The following MYO9A variants were observed in gnomAD, a reference collection of about 807,000 sequenced individuals.
The protein encoded by MYO9A is unconventional myosin-IXa.
MYO9A carries 103 observed loss-of-function variants against 293.3 expected under a neutral mutation model. The ratio of observed to expected loss-of-function variants is 0.35; its 90% CI spans 0.30 to 0.41. The LOEUF is 0.41. Ranked by LOEUF, MYO9A falls within the 10% of genes least tolerant of loss-of-function variation. MYO9A has a pLI of 1.00. For synonymous variants in MYO9A, 1,001 were observed against 1,035.7 expected, an observed-to-expected ratio of 0.97 and a Z score of 0.64; for missense variants, 2,685 against 3,033.0, an observed-to-expected ratio of 0.89 and a Z score of 2.69.
chr15:71,832,414 T>C (rs2054766338), intron 39 of MYO9A, among the ~76,000 whole-genome samples: 1 of 151,940 alleles, frequency 6.6e-6, no homozygotes, highest in South Asian at 2.1e-4. Flanking sequence ...CAAACTACTG[T>C]TAAAAACTAA....
intron 4 of MYO9A, among the ~76,000 whole-genome samples, chr15:72,027,197 C>A (rs2077700680): frequency 6.6e-6 from 1 of 152,088 alleles, no homozygotes; most frequent in African/African-American, 2.4e-5. Context: ...GAATAAATAA[C>A]CAAGAAGCAG....
At chr15:71,946,901 G>C (rs564163295) in intron 15 of MYO9A, among the ~76,000 whole-genome samples, 1 of 152,304 alleles carries the variant, frequency 6.6e-6, no homozygotes, top group African/African-American at 2.4e-5. Flanking sequence ...ATTGCTTGAA[G>C]CCAGGAGTTT....
intron 1 of MYO9A, among the ~76,000 whole-genome samples, chr15:72,067,272 G>A (rs2079049825): frequency 6.6e-6 from 1 of 151,200 alleles, no homozygotes; most frequent in Non-Finnish European, 1.5e-5. Context: ...ATTAGCATCT[G>A]GTTTAAATAT....
At chr15:72,008,381 T>G (rs955545027) in intron 7 of MYO9A, among the ~76,000 whole-genome samples, 3 of 151,968 alleles carry the variant, frequency 2.0e-5, no homozygotes, top group Admixed American at 2.0e-4. Context: ...TTTTTATTAT[T>G]AGTTATGTTG....
intron 11 of MYO9A, among the ~76,000 whole-genome samples, 199 bp from the exon 12 acceptor site, chr15:71,978,491 A>C (rs1404712608): frequency 6.6e-6 from 1 of 152,134 alleles, no homozygotes; most frequent in Non-Finnish European, 1.5e-5. Flanking sequence ...ACATGCCACA[A>C]ATTTTTTTTG....
intron 12 of MYO9A, among the ~76,000 whole-genome samples, chr15:71,969,486 G>C (rs2147326925): frequency 6.6e-6 from 1 of 152,246 alleles, no homozygotes; most frequent in East Asian, 1.9e-4. Context: ...GAAATGTATA[G>C]ATCACCAAGG....
intron 18 of MYO9A, among the ~76,000 whole-genome samples, chr15:71,928,417 G>A (rs1342572963): frequency 6.6e-6 from 1 of 151,490 alleles, no homozygotes; most frequent in Non-Finnish European, 1.5e-5. Context: ...GATTGCTTTG[G>A]CTATTTGGGG....
At chr15:72,049,281 A>G (rs1566984130) in intron 1 of MYO9A, among the ~76,000 whole-genome samples, 1 of 152,196 alleles carries the variant, frequency 6.6e-6, no homozygotes, top group Non-Finnish European at 1.5e-5. Flanking sequence ...AAATTTCCTC[A>G]GTTATCTCAT....
At position 72,058,285 on chromosome 15, in the gene MYO9A, T is replaced by A. The variant is rs993281180; in HGVS notation, c.-71-11651A>T. On this transcript the variant is annotated intron_variant, in intron 1 of 41. Coordinates refer to ENST00000356056, the MANE Select transcript of MYO9A (RefSeq NM_006901.4). The stretch of plus-strand genomic sequence containing the variant: ...AAAATTGCACATAAAGGTATACATA[T>A]ATTTTAAAATGGGTTAAAACACTGG... 6.6e-5 allele frequency among the ~76,000 whole-genome samples: 10 copies of A among 152,314 alleles called. 1 individual carries two copies. The South Asian group carries it at 1.7e-3, about 25-fold the overall frequency.
chr15:72,067,546 G>A (rs1286523716), intron 1 of MYO9A, among the ~76,000 whole-genome samples: 1 of 152,114 alleles, frequency 6.6e-6, no homozygotes, highest in Non-Finnish European at 1.5e-5. Flanking sequence ...CTCCCAAAAC[G>A]CTAGGATTAC....
Position 71,826,736 on chromosome 15 carries a change from C to G in MYO9A, c.7491G>C (p.Lys2497Asn). The stretch of plus-strand genomic sequence containing the variant: ...TCACATTCTTTAATTTTTGTTTGCC[C>G]TTTTCCGGGTTGAAGGTTCCTCTGC... ...FISRGTFNPEKGKQKLKNVKN... is the reference protein window; with the variant it reads ...FISRGTFNPENGKQKLKNVKN... The change falls in exon 42 of 42, where the codon AAG becomes AAC. Residue 2497 changes from lysine to asparagine, a missense_variant. Lys to Asn is a moderately conservative substitution (Grantham distance 94, BLOSUM62 0). Around this residue, in one of 10 missense-constraint regions of MYO9A, gnomAD observed 350 missense variants for 328.9 expected, o/e 1.06. Transcript: ENST00000356056. 3.1e-6 allele frequency: 5 copies of G among 1,614,096 alleles called. No individual in the cohort carries two copies. The highest frequency in any genetic ancestry group is 4.2e-6 in the Non-Finnish European group (5 of 1,179,990).
At chr15:71,924,758 T>TTA (rs1338643123) in intron 18 of MYO9A, among the ~76,000 whole-genome samples, 1 of 151,878 alleles carries the variant, frequency 6.6e-6, no homozygotes, top group Non-Finnish European at 1.5e-5. Context: ...CCATCTCTAC[T>TTA]AACTACAAAA....
At chr15:71,879,648 A>G in intron 30 of MYO9A, 73 bp downstream of exon 30, 1 of 1,083,672 alleles carries the variant, frequency 9.2e-7, no homozygotes, top group Non-Finnish European at 1.4e-6. Flanking sequence ...TGGCTTTTGT[A>G]TTATCTTCTA....
chr15:72,041,321 C>T (rs144764610), intron 2 of MYO9A: 1 of 687,474 alleles, frequency 1.5e-6, no homozygotes, highest in Admixed American at 1.9e-5. Flanking sequence ...GTTTAAGATC[C>T]TCAGGAACTT....
In MYO9A at chr15:71,826,248, C is replaced by T. The variant is rs1370346111; in HGVS notation, c.*332G>A. On this transcript the variant is annotated 3_prime_UTR_variant, in exon 42 of 42. Coordinates refer to ENST00000356056, the MANE Select transcript of MYO9A (RefSeq NM_006901.4). ...GAGGGTCCCTCAGGACAGCAATATC[C>T]CCCCTAGTTCAACACCCACCTTTGG... The T allele has an allele frequency of 4.7e-5, 11 of 236,436 alleles. No homozygotes were observed. The East Asian group carries it at 9.0e-4, about 19-fold the overall frequency. The allele number at this position is 236,436 out of a possible 1,614,324, so 14.6% of individuals were successfully genotyped here. A position where few individuals can be genotyped will look rare whatever the true frequency, so the allele number is the denominator to read the frequency against.
chr15:71,988,266 G>C (rs1454407422), intron 11 of MYO9A, among the ~76,000 whole-genome samples: 1 of 152,150 alleles, frequency 6.6e-6, no homozygotes, highest in Non-Finnish European at 1.5e-5. Flanking sequence ...ATTTATGTAA[G>C]AGTTTTGGAC....
At chr15:72,077,421 A>T (rs188049583) in intron 1 of MYO9A, among the ~76,000 whole-genome samples, 101 of 152,218 alleles carry the variant, frequency 6.6e-4, no homozygotes, top group African/African-American at 2.4e-3. Flanking sequence ...GCCGGGCGCC[A>T]TGGCTCACAT....
At chr15:71,901,565 C>A (rs988071746) in intron 22 of MYO9A, among the ~76,000 whole-genome samples, 1 of 151,786 alleles carries the variant, frequency 6.6e-6, no homozygotes, top group African/African-American at 2.4e-5. Context: ...GTGCTACATG[C>A]CTATACTCCT....
chr15:71,980,644 G>T (rs1487028499), intron 11 of MYO9A, among the ~76,000 whole-genome samples: 1 of 151,944 alleles, frequency 6.6e-6, no homozygotes, highest in Non-Finnish European at 1.5e-5. Context: ...AGACTAACCA[G>T]GACAACATAT....
Sources: gnomAD v4.1 joint callset for allele counts (sites outside exome capture counted in the v4.1 genomes callset) on GRCh38, gnomAD v4.1.1 for gene constraint, gnomAD v4.1.1 regional missense constraint, MANE v1.5 for transcripts, NCBI Gene and HGNC (gene_info 2026-07-23, HGNC 2026-07-21) for gene names.